Variants in C2 observed in about 807,000 individuals in gnomAD.
C2 encodes the protein complement C2, also known as C3/C5 convertase.
Under a neutral mutation model 85.2 loss-of-function variants are expected in C2, and 64 were observed. The observed-to-expected ratio is 0.75, with a 90% CI of 0.61 to 0.92. The LOEUF is 0.92. Ranked by LOEUF, C2 falls within the 40% of genes least tolerant of loss-of-function variation. The pLI, the probability that C2 is intolerant of heterozygous loss-of-function variation, is 0.00. For missense variants in C2, 820 were observed against 971.6 expected (o/e 0.84, Z 2.07); for synonymous variants, 311 against 370.8 (o/e 0.84, Z 1.85).
chr6:31,919,478 A>C (rs1437185562), upstream of C2, among the ~76,000 whole-genome samples: 1 of 152,118 alleles, frequency 6.6e-6, no homozygotes, highest in Non-Finnish European at 1.5e-5. Context: ...AGTGAAAACT[A>C]CAAGGAGTAA....
In C2 at chr6:31,935,604, G is replaced by A. The variant is rs539493068; in HGVS notation, c.850-319G>A. Among the ~76,000 whole-genome samples the A allele has an allele frequency of 4.1e-4, 62 of 152,050 alleles. No homozygotes were observed. The highest frequency in any genetic ancestry group is 1.4e-3 in the African/African-American group (57 of 41,468). ...TCTGCCTCAGCCTCCTGAGTAGCTG[G>A]GATTATAGGTGCTTGCCACCATACC... On this transcript the variant is annotated intron_variant, in intron 6 of 17. Coordinates refer to ENST00000299367, the MANE Select transcript of C2 (RefSeq NM_000063.6). This position sits in a 1 kb window ranked among gnomAD's most constrained non-coding sequence, Gnocchi z 4.3.
chr6:31,907,827 G>A (rs1250862130), intron 1 of C2, among the ~76,000 whole-genome samples: 1 of 137,946 alleles, frequency 7.2e-6, no homozygotes, highest in East Asian at 2.2e-4. Flanking sequence ...ACAGGCGTGC[G>A]CTACCACTTC....
chr6:31,900,546 T>TG (rs1428982750), upstream of C2: 1 of 1,612,080 alleles, frequency 6.2e-7, no homozygotes, highest in Non-Finnish European at 8.5e-7. This position sits in a 1 kb window ranked among gnomAD's most constrained non-coding sequence, Gnocchi z 9.7. Flanking sequence ...GCTACAGTGC[T>TG]GGGGGGAACG....
intron 7 of C2, 98 bp from the exon 8 acceptor site, chr6:31,937,221 A>G: frequency 2.2e-6 from 3 of 1,394,850 alleles, no homozygotes; most frequent in Non-Finnish European, 3.0e-6. Flanking sequence ...AAAAAAAAAA[A>G]ATTGCATTTC....
chr6:31,931,700 T>A (rs78398080), intron 3 of C2, among the ~76,000 whole-genome samples: 1 of 152,188 alleles, frequency 6.6e-6, no homozygotes, highest in Non-Finnish European at 1.5e-5. Context: ...GATTTCTCAA[T>A]CTTTTCCCCA....
At chr6:31,923,365 GCATGAACCA>G (rs773852595), upstream of C2, among the ~76,000 whole-genome samples, 3 of 152,322 alleles carry the variant, frequency 2.0e-5, no homozygotes, top group Non-Finnish European at 4.4e-5. Context: ...ATTTCCAAAG[GCATGAACCA>G]CAGATGGAAG....
upstream of C2, among the ~76,000 whole-genome samples, chr6:31,898,275 G>A (rs1370539679): frequency 1.3e-5 from 2 of 152,220 alleles, no homozygotes; most frequent in Non-Finnish European, 1.5e-5. Context: ...TAGGGATCCA[G>A]GTAAGCCCAG....
chr6:31,902,358 T>C (rs538783211), intron 1 of C2, among the ~76,000 whole-genome samples: 1 of 151,722 alleles, frequency 6.6e-6, no homozygotes, highest in Admixed American at 6.5e-5. Context: ...CCCATGGCGC[T>C]ACTCGCTCCG....
chr6:31,902,252 T>A (rs1562540765), intron 1 of C2, among the ~76,000 whole-genome samples: 1 of 149,536 alleles, frequency 6.7e-6, no homozygotes, highest in Admixed American at 6.6e-5. Context: ...TCGCTCCCCC[T>A]CCTCTGTACC....
upstream of C2, chr6:31,898,045 G>C: frequency 3.0e-6 from 1 of 331,952 alleles, no homozygotes; most frequent in Non-Finnish European, 4.3e-6. Context: ...TGCCTTTCTA[G>C]TTTTTGGGTT....
At chr6:31,937,265 C>CT in intron 7 of C2, 54 bp from the exon 8 acceptor site, 1 of 1,598,168 alleles carries the variant, frequency 6.3e-7, no homozygotes, top group Non-Finnish European at 8.6e-7. Context: ...TTCCCTACCC[C>CT]TAGGTGGTAG....
intron 1 of C2, among the ~76,000 whole-genome samples, chr6:31,907,227 A>G (rs1416176739): frequency 6.6e-6 from 1 of 151,916 alleles, no homozygotes; most frequent in Non-Finnish European, 1.5e-5. Context: ...TTCAAAATGT[A>G]GTTTTGTTCA....
chr6:31,943,380 T>TA lies in C2; in HGVS notation c.1456-35dup. 6.2e-7 allele frequency: 1 copy of TA among 1,609,754 alleles called. No individual in the cohort carries two copies. The highest frequency in any genetic ancestry group is 1.1e-5 in the South Asian group (1 of 91,026). On this transcript the variant is annotated intron_variant, in intron 11 of 17. Transcript: ENST00000299367. The surrounding 1 kb of genome is among the most constrained non-coding windows in gnomAD (Gnocchi z 6.4). The stretch of plus-strand genomic sequence containing the variant: ...GGTAAAAGCGGCCATGGGCCAGACA[T>TA]ACTGCAATCTCTGAAAATCACCTGT...
chr6:31,945,471 T>A lies in C2; in HGVS notation c.*114T>A. The A allele has an allele frequency of 9.5e-7, 1 of 1,056,748 alleles. No homozygotes were observed. Among genetic ancestry groups the A allele is most frequent in the South Asian group, 1.3e-5 (1 of 77,868 alleles). 65.5% of individuals were successfully genotyped at this position (1,056,748 alleles called of 1,614,324 possible). On this transcript the variant is annotated 3_prime_UTR_variant, in exon 18 of 18. Coordinates refer to ENST00000299367, the MANE Select transcript of C2 (RefSeq NM_000063.6). This position sits in a 1 kb window ranked among gnomAD's most constrained non-coding sequence, Gnocchi z 5.3. ...CCATCCTCTCTCCTAGCTGAGTAAATCCGGGTCTCTAGGATGCCAGAGGCA... is the reference window on the plus strand; with the variant it reads ...CCATCCTCTCTCCTAGCTGAGTAAAACCGGGTCTCTAGGATGCCAGAGGCA...
At chr6:31,932,639 G>C (rs913311934) in intron 3 of C2, 1 of 163,478 alleles carries the variant, frequency 6.1e-6, no homozygotes, top group Admixed American at 6.6e-5. Flanking sequence ...AGACTGGGCA[G>C]CCAGGCAGAG....
intron 9 of C2, among the ~76,000 whole-genome samples, chr6:31,939,875 C>T (rs1377670725): frequency 6.6e-6 from 1 of 152,078 alleles, no homozygotes; most frequent in East Asian, 1.9e-4. Context: ...GTCCTGGCTT[C>T]AAATGATTCT....
chr6:31,942,906 A>T (rs773221062), intron 9 of C2, 53 bp from the exon 10 acceptor site: 10 of 1,609,850 alleles, frequency 6.2e-6, no homozygotes, highest in Non-Finnish European at 7.6e-6. Flanking sequence ...CTCCTGTCTC[A>T]TGGGGTAGCC....
chr6:31,914,776 G>C (rs1238600703), intron 1 of C2, among the ~76,000 whole-genome samples: 1 of 146,236 alleles, frequency 6.8e-6, no homozygotes, highest in African/African-American at 2.5e-5. Flanking sequence ...AGCCAGGCGT[G>C]GTGGCAGGCG....
At chr6:31,937,205 T>C in intron 7 of C2, 114 bp from the exon 8 acceptor site, 3 of 864,748 alleles carry the variant, frequency 3.5e-6, no homozygotes, top group Non-Finnish European at 5.2e-6. Context: ...CGAGACTCTC[T>C]CAAAAAAAAA....
Sources: allele counts gnomAD v4.1 joint callset (sites outside exome capture counted in the v4.1 genomes callset), GRCh38; gene constraint gnomAD v4.1.1; non-coding constraint Gnocchi (gnomAD v3.1); transcripts MANE v1.5; gene names NCBI Gene and HGNC (gene_info 2026-07-23, HGNC 2026-07-21).